MID1: variants seen among roughly 807,000 people sequenced by gnomAD.
MID1 encodes the protein E3 ubiquitin-protein ligase Midline-1.
In MID1, 7 loss-of-function variants were observed where a neutral mutation model predicts 40.4. That is an observed-to-expected ratio of 0.17 (90% CI 0.10 to 0.33). The LOEUF is 0.33. MID1 is among the 10% of genes least tolerant of loss of function. The pLI is 1.00. For synonymous variants in MID1, 229 were observed against 221.2 expected, an observed-to-expected ratio of 1.04 and a Z score of -0.31; for missense variants, 367 against 558.5, an observed-to-expected ratio of 0.66 and a Z score of 3.46.
In MID1 at chrX:10,523,143, T is replaced by G. The variant is rs775307244; in HGVS notation, c.705A>C (p.Thr235=). ...GTTTAGCCAAAAGGGTCTCCAGTTC[T>G]GTGTTCCTCTTAATAAGGTTGGTGA... ...SNLTNLIKRN[T]ELETLLAKLI... Residue 235 remains threonine (T), a synonymous_variant, in exon 3 of 10, where the codon ACA becomes ACC. Transcript: ENST00000317552. 1.7e-6 allele frequency: 2 copies of G among 1,205,228 alleles called. No individual in the cohort carries two copies. The highest frequency in any genetic ancestry group is 2.2e-6 in the Non-Finnish European group (2 of 892,156).
At chrX:10,753,784 T>C (rs1213074512) in intron 1 of MID1, among the ~76,000 whole-genome samples, 1 of 112,061 alleles carries the variant, frequency 8.9e-6, no homozygotes, top group Non-Finnish European at 1.9e-5. Flanking sequence ...ATCTAGAAAA[T>C]AGTGATGCAT....
intron 1 of MID1, among the ~76,000 whole-genome samples, chrX:10,711,258 T>C (rs150644711): frequency 0.015 from 1,636 of 112,164 alleles, 18 homozygotes; most frequent in Middle Eastern, 0.05. Context: ...AGGTTTTCTG[T>C]ATTGTTTTAA....
At chrX:10,690,630 G>A (rs1223015262) in intron 1 of MID1, among the ~76,000 whole-genome samples, 1 of 111,368 alleles carries the variant, frequency 9.0e-6, no homozygotes, top group Non-Finnish European at 1.9e-5. Flanking sequence ...TACTACATTT[G>A]AGGTGAAGTC....
chrX:10,590,233 G>A (rs1036577803), intron 1 of MID1, among the ~76,000 whole-genome samples: 3 of 111,842 alleles, frequency 2.7e-5, no homozygotes, highest in South Asian at 3.9e-4. Context: ...TTGGTTTCGC[G>A]TCTGGTTCTT....
chrX:10,651,720 G>A (rs993960659), intron 1 of MID1, among the ~76,000 whole-genome samples: 1 of 112,186 alleles, frequency 8.9e-6, no homozygotes, highest in Non-Finnish European at 1.9e-5. Flanking sequence ...CCACCTTCTG[G>A]GTTCAAGTGA....
chrX:10,825,541 T>C (rs1271503771), intron 1 of MID1, among the ~76,000 whole-genome samples: 3 of 112,216 alleles, frequency 2.7e-5, no homozygotes, highest in African/African-American at 9.7e-5. Flanking sequence ...CATCTGTTAG[T>C]GCAAACTCTC....
intron 2 of MID1, among the ~76,000 whole-genome samples, chrX:10,566,564 TCTCTCTCAGAGAGAGGCAGCA>T (rs1485068680): frequency 9.8e-6 from 1 of 101,769 alleles, no homozygotes; most frequent in African/African-American, 3.8e-5. Context: ...TCTCTCTCCC[TCTCTCTCAGAGAGAGGCAGCA>T]CTCTCTTTGG....
chrX:10,577,662 A>T (rs959611278), intron 1 of MID1, among the ~76,000 whole-genome samples: 6 of 108,995 alleles, frequency 5.5e-5, no homozygotes, highest in Non-Finnish European at 9.5e-5. Context: ...ATATATATAT[A>T]TATTTAATAT....
At chrX:10,663,301 C>T (rs769716296) in intron 1 of MID1, among the ~76,000 whole-genome samples, 1 of 110,814 alleles carries the variant, frequency 9.0e-6, no homozygotes, top group East Asian at 2.9e-4. Flanking sequence ...CCCTACCCTT[C>T]ACCCCTAGCC....
chrX:10,495,749 TA>T, intron 3 of MID1, 58 bp from the exon 4 acceptor site: 1 of 770,745 alleles, frequency 1.3e-6, no homozygotes, highest in Non-Finnish European at 2.0e-6. Context: ...AGTTAAGTGC[TA>T]TTTTTAATGT....
chrX:10,688,021 T>A (rs991886973), intron 1 of MID1, among the ~76,000 whole-genome samples: 1 of 111,591 alleles, frequency 9.0e-6, no homozygotes, highest in Non-Finnish European at 1.9e-5. Context: ...TCCCAGCCAA[T>A]GCCAATATAT....
intron 1 of MID1, among the ~76,000 whole-genome samples, chrX:10,727,201 T>A (rs2043399119): frequency 8.9e-6 from 1 of 112,323 alleles, no homozygotes; most frequent in African/African-American, 3.2e-5. Flanking sequence ...TACAACCTCC[T>A]CCTCCTGGGT....
chrX:10,552,641 T>C (rs928850860), intron 2 of MID1, among the ~76,000 whole-genome samples: 5 of 110,353 alleles, frequency 4.5e-5, no homozygotes, highest in African/African-American at 1.3e-4. Flanking sequence ...AATCCTCAGA[T>C]GCAGAACCCA....
At chrX:10,638,283 T>C (rs1240788777) in intron 1 of MID1, among the ~76,000 whole-genome samples, 2 of 111,656 alleles carry the variant, frequency 1.8e-5, no homozygotes, top group African/African-American at 6.5e-5. Context: ...AGACAGCAAC[T>C]GGAAAATCGG....
chrX:10,603,670 C>T (rs1004435916), intron 1 of MID1, among the ~76,000 whole-genome samples: 7 of 111,377 alleles, frequency 6.3e-5, no homozygotes, highest in African/African-American at 2.0e-4. Context: ...AGTAACTGCA[C>T]GTGTTCTGTG....
chrX:10,817,560 CTT>C (rs1196070070), intron 1 of MID1, among the ~76,000 whole-genome samples: 4 of 93,522 alleles, frequency 4.3e-5, no homozygotes, highest in Admixed American at 1.2e-4. Context: ...TTCTTTCTTT[CTT>C]TCTTTCTTTC....
chrX:10,480,459 T>C (rs1221775478), intron 5 of MID1, among the ~76,000 whole-genome samples: 2 of 112,528 alleles, frequency 1.8e-5, no homozygotes, highest in Non-Finnish European at 3.8e-5. Flanking sequence ...CAGTTCATAA[T>C]AGCCATTTCA....
intron 1 of MID1, among the ~76,000 whole-genome samples, chrX:10,781,606 A>G (rs2043846216): frequency 8.9e-6 from 1 of 111,841 alleles, no homozygotes; most frequent in Non-Finnish European, 1.9e-5. Context: ...TCAAACCCAC[A>G]TTTGCTTTTG....
At chrX:10,605,311 T>G (rs1027865251) in intron 1 of MID1, among the ~76,000 whole-genome samples, 4 of 111,946 alleles carry the variant, frequency 3.6e-5, no homozygotes, top group Admixed American at 1.9e-4. Context: ...ATAAGGGCTC[T>G]GTAGGAAAGG....
Sources: allele counts gnomAD v4.1 joint callset (sites outside exome capture counted in the v4.1 genomes callset), GRCh38; gene constraint gnomAD v4.1.1; transcripts MANE v1.5; gene names NCBI Gene and HGNC (gene_info 2026-07-23, HGNC 2026-07-21).